CTCFL: variants seen among roughly 807,000 people sequenced by gnomAD.
The protein encoded by CTCFL is CCCTC-binding factor like.
Under a neutral mutation model 67.4 loss-of-function variants are expected in CTCFL, and 36 were observed. The observed-to-expected ratio is 0.53, with a 90% CI of 0.41 to 0.71. CTCFL has a LOEUF of 0.71. Ranked by LOEUF, CTCFL falls within the 30% of genes least tolerant of loss-of-function variation. The pLI is 0.00. For synonymous variants in CTCFL, 324 were observed against 302.3 expected (o/e 1.07, Z -0.75); for missense variants, 786 against 835.2 (o/e 0.94, Z 0.73).
chr20:57,523,154 T>C lies in CTCFL; in HGVS notation c.668A>G (p.Asn223Ser). 6.2e-7 allele frequency: 1 copy of C among 1,614,054 alleles called. No homozygotes were observed. Among genetic ancestry groups the C allele is most frequent in the Non-Finnish European group, 8.5e-7 (1 of 1,180,012 alleles). The change falls in exon 3 of 11, where the codon AAT becomes AGT. Residue 223 changes from asparagine (N) to serine (S), a missense_variant. Asn to Ser is a conservative substitution (Grantham distance 46). Coordinates refer to ENST00000243914, the MANE Select transcript of CTCFL (RefSeq NM_001386993.1). ...AGGTTGATCCTCTTGTTCTTCCACA[T>C]TTGAATTTGAAACTGTGAGAACAAT... ...DEIVLTVSNS[N>S]VEEQEDQPTA...
intron 7 of CTCFL, chr20:57,513,867 G>A: frequency 8.5e-6 from 11 of 1,288,986 alleles, no homozygotes; most frequent in Non-Finnish European, 1.1e-5. Flanking sequence ...GGGAGGCCCA[G>A]GAATCCTGAA....
rs573459971 is a variant in CTCFL at position 57,503,004 on chromosome 20, G to C, written c.1840+432C>G. Among the ~76,000 whole-genome samples, 26 of 152,304 alleles carry C rather than the reference G, an allele frequency of 1.7e-4. No homozygotes were observed. In the South Asian group the frequency reaches 4.6e-3, roughly 27 times the overall value. On this transcript the variant is annotated intron_variant, in intron 10 of 10. Coordinates refer to ENST00000243914, the MANE Select transcript of CTCFL (RefSeq NM_001386993.1). ...GAGGAATGGTGGAGCCACCAGAGTT[G>C]CAAGAGGCTAGGAGGGACCCTCCCC...
intron 10 of CTCFL, among the ~76,000 whole-genome samples, chr20:57,501,328 G>C (rs918507162): frequency 1.1e-4 from 16 of 150,360 alleles, no homozygotes; most frequent in African/African-American, 3.9e-4. Context: ...TTTTTCTGAA[G>C]ATACGGAGCA....
chr20:57,503,443 G>T lies in CTCFL; in HGVS notation c.1833C>A (p.Asn611Lys), dbSNP rs138934649. Reference protein sequence around the residue: ...EAAKGWKEAANGDEAAAEEAS... With the variant: ...EAAKGWKEAAKGDEAAAEEAS... ...TCTGCGTAAAATCAGTACCGTCTCC[G>T]TTCGCGGCTTCCTTCCATCCCTTCG... Residue 611 changes from asparagine (N) to lysine (K), a missense_variant, in exon 10 of 11, where the codon AAC becomes AAA. Physicochemically the swap from Asn to Lys is moderately conservative, Grantham distance 94. Coordinates refer to ENST00000243914, the MANE Select transcript of CTCFL (RefSeq NM_001386993.1). 1 of 1,614,122 alleles carries T rather than the reference G, an allele frequency of 6.2e-7. No individual in the cohort carries two copies. Among genetic ancestry groups the T allele is most frequent in the Non-Finnish European group, 8.5e-7 (1 of 1,180,002 alleles).
chr20:57,506,433 A>T (rs2068213402), intron 9 of CTCFL, among the ~76,000 whole-genome samples: 1 of 152,160 alleles, frequency 6.6e-6, no homozygotes. Context: ...CCTCCTGAGC[A>T]GCTAGGATTA....
chr20:57,521,792 A>T (rs527887848), intron 3 of CTCFL, among the ~76,000 whole-genome samples: 4 of 152,230 alleles, frequency 2.6e-5, no homozygotes, highest in African/African-American at 9.6e-5. Flanking sequence ...CCCTGCAAAC[A>T]TGATGCTAAG....
chr20:57,524,820 G>A, intron 1 of CTCFL: 1 of 903,398 alleles, frequency 1.1e-6, no homozygotes, highest in Non-Finnish European at 1.3e-6. Context: ...CCCTCGGCCA[G>A]ACCAAGCACA....
chr20:57,498,844 T>C (rs2067772600), intron 10 of CTCFL, 143 bp from the exon 11 acceptor site: 1 of 726,584 alleles, frequency 1.4e-6, no homozygotes, highest in Non-Finnish European at 2.3e-6. Context: ...ATTGATAAGA[T>C]GGTACTATTC....
intron 9 of CTCFL, among the ~76,000 whole-genome samples, chr20:57,504,845 C>A (rs1369986931): frequency 1.3e-5 from 2 of 152,128 alleles, no homozygotes; most frequent in East Asian, 3.9e-4. Flanking sequence ...GTCTCTGAAT[C>A]TACCTACAAC....
Position 57,514,737 on chromosome 20 carries a change from C to T in CTCFL, c.1185G>A (p.Glu395=), listed in dbSNP as rs2068792432. The change falls in exon 7 of 11, where the codon GAG becomes GAA. Residue 395 remains glutamate, a synonymous_variant. Transcript: ENST00000243914. ...LKRHMRTHSG[E]KPYECHICHT... ...GGCAGATGTGGCATTCGTAAGGCTT[C>T]TCACCTGAGATGCAGACAACAAAGT... 3.1e-6 allele frequency: 5 copies of T among 1,613,916 alleles called. No individual in the cohort carries two copies. Among genetic ancestry groups the T allele is most frequent in the Non-Finnish European group, 4.2e-6 (5 of 1,179,898 alleles).
chr20:57,515,565 A>G (rs1160552216), intron 6 of CTCFL, 149 bp downstream of exon 6: 2 of 927,096 alleles, frequency 2.2e-6, no homozygotes, highest in Non-Finnish European at 3.4e-6. Context: ...TAAAGGTAAA[A>G]GTACAGATCA....
chr20:57,524,428 TTG>T, intron 1 of CTCFL: 1 of 1,399,416 alleles, frequency 7.1e-7, no homozygotes, highest in South Asian at 1.6e-5. Context: ...AAGCAGGATT[TTG>T]TACAAAACCC....
intron 5 of CTCFL, among the ~76,000 whole-genome samples, chr20:57,517,630 C>T (rs953698852): frequency 3.9e-5 from 6 of 152,236 alleles, no homozygotes; most frequent in Middle Eastern, 3.4e-3. Flanking sequence ...AGCTTTGATA[C>T]GTTCCTGCTG....
rs139819612 is a variant in CTCFL, at chr20:57,510,497, A to G, written c.1492-1709T>C. Among the ~76,000 whole-genome samples the G allele has an allele frequency of 3.3e-5, 5 of 152,206 alleles. 1 individual carries two copies. Among genetic ancestry groups the G allele is most frequent in the Non-Finnish European group, 7.3e-5 (5 of 68,028 alleles). On this transcript the variant is annotated intron_variant, in intron 8 of 10. Coordinates refer to ENST00000243914, the MANE Select transcript of CTCFL (RefSeq NM_001386993.1). ...GCTGCAACTACTTGTATATAAAACT[A>G]TTTGTTGTTGTCTGAAGTTCAAATG...
At chr20:57,506,103 T>A (rs1216347631) in intron 9 of CTCFL, among the ~76,000 whole-genome samples, 1 of 152,208 alleles carries the variant, frequency 6.6e-6, no homozygotes, top group Non-Finnish European at 1.5e-5. Context: ...CTGCCAACTG[T>A]TTGTGAAAGC....
chr20:57,512,463 G>A (rs1057370826), intron 8 of CTCFL, 129 bp downstream of exon 8: 62 of 887,866 alleles, frequency 7.0e-5, no homozygotes, highest in Non-Finnish European at 9.8e-5. Flanking sequence ...TTGCTTTCTG[G>A]TTATTCTGAA....
chr20:57,518,545 T>C, intron 5 of CTCFL: 1 of 1,418,490 alleles, frequency 7.0e-7, no homozygotes, highest in Non-Finnish European at 9.3e-7. Context: ...CCTTTACATA[T>C]TATTTTCACT....
At chr20:57,505,560 A>C (rs763537246) in intron 9 of CTCFL, among the ~76,000 whole-genome samples, 56 of 152,306 alleles carry the variant, frequency 3.7e-4, no homozygotes, top group Non-Finnish European at 4.7e-4. Flanking sequence ...CCGGCCTTAA[A>C]ATTTATTTTT....
chr20:57,500,155 A>G, intron 10 of CTCFL: 2 of 984,604 alleles, frequency 2.0e-6, no homozygotes, highest in Non-Finnish European at 2.4e-6. Flanking sequence ...GAAAAGAAAC[A>G]CTGAGATCCA....
Sources: allele counts gnomAD v4.1 joint callset (sites outside exome capture counted in the v4.1 genomes callset), GRCh38; gene constraint gnomAD v4.1.1; transcripts MANE v1.5; gene names NCBI Gene and HGNC (gene_info 2026-07-23, HGNC 2026-07-21).